SLC36A1: variants seen among roughly 807,000 people sequenced by gnomAD.
SLC36A1 encodes solute carrier family 36 member 1, also known as proton-coupled amino acid transporter 1.
Under a neutral mutation model 47.5 loss-of-function variants are expected in SLC36A1, and 30 were observed. The ratio of observed to expected loss-of-function variants is 0.63; its 90% CI spans 0.47 to 0.86. The LOEUF (loss-of-function observed/expected upper bound fraction) is 0.86. Among genes scored for constraint, SLC36A1 ranks in the 40% least tolerant of loss-of-function variants. The pLI is 0.00. For missense variants in SLC36A1, 517 were observed against 606.0 expected (o/e 0.85, Z 1.54); for synonymous variants, 255 against 249.7 (o/e 1.02, Z -0.20).
At chr5:151,549,216 C>G in the SLC36A1 span, 4 of 1,377,220 alleles carry the variant, frequency 2.9e-6, no homozygotes, top group Non-Finnish European at 4.0e-6. Context: ...GATTAATTTG[C>G]GAATTCATGC....
the SLC36A1 span, among the ~76,000 whole-genome samples, chr5:151,401,027 G>C: frequency 6.6e-6 from 1 of 151,548 alleles, no homozygotes; most frequent in Non-Finnish European, 1.5e-5. Flanking sequence ...CTTTAATTAG[G>C]TCTCACTTGT....
chr5:151,515,052 C>A, the SLC36A1 span, among the ~76,000 whole-genome samples: 1 of 152,086 alleles, frequency 6.6e-6, no homozygotes, highest in East Asian at 1.9e-4. Context: ...GTCCCTTTTC[C>A]GCAAAATTTC....
chr5:151,531,950 A>G, the SLC36A1 span: 1 of 1,614,072 alleles, frequency 6.2e-7, no homozygotes, highest in African/African-American at 1.3e-5. This position sits in a 1 kb window ranked among gnomAD's most constrained non-coding sequence, Gnocchi z 5.7. Context: ...GGCAGAGAGT[A>G]AACCACCTGG....
At chr5:151,461,172 G>A (rs1050468299) in intron 2 of SLC36A1, among the ~76,000 whole-genome samples, 1 of 77,694 alleles carries the variant, frequency 1.3e-5, no homozygotes, top group African/African-American at 5.1e-5. Flanking sequence ...TTTTTTTTTT[G>A]TAGAGATAGG....
chr5:151,372,185 T>G, the SLC36A1 span, among the ~76,000 whole-genome samples: 1 of 152,182 alleles, frequency 6.6e-6, no homozygotes, highest in South Asian at 2.1e-4. Context: ...ACAGAGTCTC[T>G]CAGTTGTTGT....
the SLC36A1 span, among the ~76,000 whole-genome samples, chr5:151,352,267 T>G: frequency 6.6e-6 from 1 of 152,164 alleles, no homozygotes; most frequent in Non-Finnish European, 1.5e-5. Flanking sequence ...TTATCTTGAT[T>G]ATGTGTGTGT....
the SLC36A1 span, among the ~76,000 whole-genome samples, chr5:151,530,849 G>A: frequency 6.6e-6 from 1 of 152,196 alleles, no homozygotes; most frequent in African/African-American, 2.4e-5. Context: ...CTGAAGCTGG[G>A]TGGTGGGAAC....
the SLC36A1 span, chr5:151,505,374 ATCCTCAGCT>A: frequency 1.5e-6 from 1 of 669,094 alleles, no homozygotes; most frequent in Admixed American, 3.0e-5. Flanking sequence ...CTGGAGCTCT[ATCCTCAGCT>A]TCCCTCCACC....
At position 151,474,052 on chromosome 5, in the gene SLC36A1, C is replaced by T. The variant is rs552026627; in HGVS notation, c.822+281C>T. Among the ~76,000 whole-genome samples the T allele has an allele frequency of 4.9e-3, 737 of 149,570 alleles. 4 individuals are homozygous for T. Among genetic ancestry groups the T allele is most frequent in the African/African-American group, 0.017 (708 of 40,652 alleles). Reference sequence around the variant, plus strand: ...GCACACGCCTATAATCCCAGCCACTCGAGAGGCTGAGGCAGGAGAATTGCT... The same window carrying T: ...GCACACGCCTATAATCCCAGCCACTTGAGAGGCTGAGGCAGGAGAATTGCT... On this transcript the variant is annotated intron_variant, in intron 8 of 10. Transcript: ENST00000243389.
chr5:151,543,042 C>T, the SLC36A1 span: 259 of 1,614,060 alleles, frequency 1.6e-4, no homozygotes, highest in Non-Finnish European at 2.1e-4. Flanking sequence ...AGAAAGTATA[C>T]AAAGGTTCAG....
chr5:151,505,622 A>ATAG, the SLC36A1 span: 4 of 1,614,136 alleles, frequency 2.5e-6, no homozygotes, highest in Non-Finnish European at 2.5e-6. Context: ...CAGAGCCCTC[A>ATAG]TAGTTGGGGG....
the SLC36A1 span, chr5:151,511,764 T>G: frequency 0.061 from 11,182 of 182,534 alleles, 804 homozygotes; most frequent in East Asian, 0.29. Flanking sequence ...ACAACATGTA[T>G]TTTGCAAGAA....
At chr5:151,371,122 A>G in the SLC36A1 span, among the ~76,000 whole-genome samples, 1 of 152,138 alleles carries the variant, frequency 6.6e-6, no homozygotes, top group African/African-American at 2.4e-5. Flanking sequence ...ACAATCAAAA[A>G]GTGTCTCCAG....
the SLC36A1 span, among the ~76,000 whole-genome samples, chr5:151,389,272 G>C: frequency 6.6e-6 from 1 of 151,536 alleles, no homozygotes; most frequent in African/African-American, 2.4e-5. Flanking sequence ...TCCATGTGCT[G>C]TTCCCTCTGC....
the SLC36A1 span, among the ~76,000 whole-genome samples, chr5:151,501,187 C>T: frequency 2.0e-5 from 3 of 152,136 alleles, no homozygotes; most frequent in Non-Finnish European, 1.5e-5. Context: ...TTCCCAAAGA[C>T]GAAGAGGGGG....
chr5:151,414,811 A>T, the SLC36A1 span: 1 of 152,216 alleles, frequency 6.6e-6, no homozygotes, highest in Non-Finnish European at 1.5e-5. Context: ...CGGAAGGGAA[A>T]GTGAATATGT....
chr5:151,549,227 C>T, the SLC36A1 span: 1 of 1,478,706 alleles, frequency 6.8e-7, no homozygotes, highest in Admixed American at 1.9e-5. Context: ...GAATTCATGC[C>T]TCTAGTGCTT....
the SLC36A1 span, chr5:151,512,669 G>T: frequency 7.1e-7 from 1 of 1,405,150 alleles, no homozygotes; most frequent in African/African-American, 1.4e-5. This position sits in a 1 kb window ranked among gnomAD's most constrained non-coding sequence, Gnocchi z 4.1. Flanking sequence ...CTGCTAAGAG[G>T]CTGCCAGTTC....
chr5:151,475,073 T>G (rs990218738), intron 8 of SLC36A1, among the ~76,000 whole-genome samples: 2 of 152,222 alleles, frequency 1.3e-5, no homozygotes, highest in Admixed American at 6.5e-5. Context: ...TGCCCTGTGC[T>G]CTATCTTAGG....
Sources: gnomAD v4.1 joint callset for allele counts (sites outside exome capture counted in the v4.1 genomes callset) on GRCh38, gnomAD v4.1.1 for gene constraint, Gnocchi (gnomAD v3.1) non-coding constraint, MANE v1.5 for transcripts, NCBI Gene and HGNC (gene_info 2026-07-23, HGNC 2026-07-21) for gene names.